Variants in GABRG1 observed in about 807,000 individuals in gnomAD.
GABRG1 encodes the protein gamma-aminobutyric acid type A receptor subunit gamma1.
GABRG1 carries 49 observed loss-of-function variants against 49.8 expected under a neutral mutation model. The observed-to-expected ratio is 0.98, with a 90% confidence interval of 0.78 to 1.25. The LOEUF (loss-of-function observed/expected upper bound fraction) is 1.25. GABRG1 is among the 50% of genes most tolerant of loss of function. GABRG1 has a pLI of 0.00. For missense variants in GABRG1, 552 were observed against 552.3 expected, an observed-to-expected ratio of 1.00 and a Z score of 0.01; for synonymous variants, 232 against 185.1, an observed-to-expected ratio of 1.25 and a Z score of -2.06.
intron 2 of GABRG1, among the ~76,000 whole-genome samples, chr4:46,090,668 T>A (rs189729218): frequency 6.6e-5 from 10 of 152,120 alleles, no homozygotes; most frequent in African/African-American, 2.4e-4. Flanking sequence ...AAATTTTTTT[T>A]AAATAAACAC....
chr4:46,040,982 T>C lies in GABRG1; in HGVS notation c.*6A>G, dbSNP rs372117907. ...CTTCTTTTGATTTTTGCTTATGAAG[T>C]AGATTTTATAAGTAAAGATAGCCAA... On this transcript the variant is annotated 3_prime_UTR_variant, in exon 9 of 9. Coordinates refer to ENST00000295452, the MANE Select transcript of GABRG1 (RefSeq NM_173536.4). The C allele has an allele frequency of 5.6e-6, 9 of 1,603,214 alleles. No individual in the cohort carries two copies. Among genetic ancestry groups the C allele is most frequent in the South Asian group, 5.6e-5 (5 of 89,644 alleles).
rs907085261 is a variant in GABRG1 at position 46,037,152 on chromosome 4, T to C, written c.*3836A>G. 2 of 151,916 alleles carry C rather than the reference T, an allele frequency of 1.3e-5. No homozygotes were observed. Among genetic ancestry groups the C allele is most frequent in the African/African-American group, 4.8e-5 (2 of 41,426 alleles). 9.4% of individuals were successfully genotyped at this position (151,916 alleles called of 1,614,324 possible). ...CTCATCTTTCTGACTACATTATATG[T>C]TCCTTGAAAGTCATCTTTATATTCC... On this transcript the variant is annotated 3_prime_UTR_variant, in exon 9 of 9. Transcript: ENST00000295452.
chr4:46,112,411 T>G (rs1720745331), intron 1 of GABRG1, among the ~76,000 whole-genome samples: 1 of 151,430 alleles, frequency 6.6e-6, no homozygotes, highest in Non-Finnish European at 1.5e-5. Flanking sequence ...TCTGCCAATG[T>G]GGAAAGCAGT....
chr4:46,072,834 G>A (rs1719181704), intron 3 of GABRG1, among the ~76,000 whole-genome samples: 1 of 149,084 alleles, frequency 6.7e-6, no homozygotes, highest in African/African-American at 2.6e-5. Flanking sequence ...TAATAGAAGT[G>A]TGTTTACCTG....
chr4:46,121,039 C>T (rs1721076862), intron 1 of GABRG1, among the ~76,000 whole-genome samples: 3 of 151,866 alleles, frequency 2.0e-5, no homozygotes, highest in East Asian at 3.9e-4. Flanking sequence ...ACCATGACTA[C>T]AGTTTTAGTT....
intron 2 of GABRG1, among the ~76,000 whole-genome samples, chr4:46,092,724 G>T (rs1000419791): frequency 3.3e-5 from 5 of 151,630 alleles, no homozygotes; most frequent in African/African-American, 1.2e-4. Context: ...ACTTAATGAA[G>T]GACACAAAAA....
At chr4:46,085,086 G>T (rs1483082655) in intron 2 of GABRG1, among the ~76,000 whole-genome samples, 3 of 151,242 alleles carry the variant, frequency 2.0e-5, no homozygotes, top group African/African-American at 4.8e-5. Flanking sequence ...TATAATAAGA[G>T]ATTTTTTTTT....
At chr4:46,093,844 A>C (rs1720085033) in intron 2 of GABRG1, among the ~76,000 whole-genome samples, 1 of 152,002 alleles carries the variant, frequency 6.6e-6, no homozygotes, top group Non-Finnish European at 1.5e-5. Context: ...CTGGACTAAA[A>C]ATTTTTAAAG....
chr4:46,045,143 C>T (rs1484421618), intron 8 of GABRG1, among the ~76,000 whole-genome samples: 4 of 152,022 alleles, frequency 2.6e-5, no homozygotes, highest in Admixed American at 1.3e-4. Flanking sequence ...GCTGGAATTA[C>T]TGATTCTAAT....
intron 1 of GABRG1, among the ~76,000 whole-genome samples, chr4:46,119,014 A>G (rs1333704728): frequency 6.6e-6 from 1 of 151,326 alleles, no homozygotes; most frequent in African/African-American, 2.4e-5. Flanking sequence ...ATGATTATAT[A>G]TAGCATCCTT....
In GABRG1 at chr4:46,052,990, T is replaced by C. The variant is rs371180431; in HGVS notation, c.917-1352A>G. Among the ~76,000 whole-genome samples, 317 of 152,006 alleles carry C rather than the reference T, an allele frequency of 2.1e-3. 1 individual carries two copies. Among genetic ancestry groups the C allele is most frequent in the African/African-American group, 7.3e-3 (303 of 41,534 alleles). ...TTTGGAATTATGATACAAATTTAGG[T>C]TTAATCTCTGACTCTTCTATTAGCT... On this transcript the variant is annotated intron_variant, in intron 7 of 8. Coordinates refer to ENST00000295452, the MANE Select transcript of GABRG1 (RefSeq NM_173536.4).
intron 5 of GABRG1, among the ~76,000 whole-genome samples, chr4:46,061,725 G>T (rs950802279): frequency 2.0e-5 from 3 of 149,724 alleles, no homozygotes; most frequent in Non-Finnish European, 3.0e-5. Context: ...TATACAGTAG[G>T]AAAGTAAACC....
chr4:46,059,110 T>C (rs1718567926), intron 5 of GABRG1, among the ~76,000 whole-genome samples: 1 of 152,182 alleles, frequency 6.6e-6, no homozygotes, highest in Non-Finnish European at 1.5e-5. Flanking sequence ...TTTAATATAT[T>C]GTGATAGTCA....
chr4:46,084,016 G>A lies in GABRG1; in HGVS notation c.291C>T (p.Asn97=), dbSNP rs767827829. 20 of 1,582,626 alleles carry A rather than the reference G, an allele frequency of 1.3e-5. No homozygotes were observed. The Middle Eastern group carries it at 1.3e-3, about 106-fold the overall frequency. Residue 97 remains asparagine, a synonymous_variant, in exon 3 of 9, where the codon AAC becomes AAT. Transcript: ENST00000295452. ...PTVIETDVYV[N]SIGPVDPINM... is the part of the protein sequence containing the mutation. ...TAATTGGATCAACTGGTCCAATGCT[G>A]TTTACATAAACATCAGTTTCAATTA...
chr4:46,079,768 T>C lies in GABRG1; in HGVS notation c.321+4218A>G, dbSNP rs138085973. Among the ~76,000 whole-genome samples, 873 of 152,010 alleles carry C rather than the reference T, an allele frequency of 5.7e-3. 8 individuals carry two copies. Among genetic ancestry groups the C allele is most frequent in the African/African-American group, 0.02 (832 of 41,528 alleles). On this transcript the variant is annotated intron_variant, in intron 3 of 8. Coordinates refer to ENST00000295452, the MANE Select transcript of GABRG1 (RefSeq NM_173536.4). Reference sequence around the variant, plus strand: ...TTGACTTGGCTTTAAAGAATTGCTATGGCCCTTGAGTGTTGTACTTGCCAG... The same window carrying C: ...TTGACTTGGCTTTAAAGAATTGCTACGGCCCTTGAGTGTTGTACTTGCCAG...
intron 8 of GABRG1, among the ~76,000 whole-genome samples, chr4:46,044,017 A>T (rs1467269585): frequency 2.6e-5 from 4 of 152,030 alleles, no homozygotes; most frequent in Admixed American, 1.3e-4. Flanking sequence ...ATATTATTTG[A>T]TGATTATATT....
rs1466416512 is a variant in GABRG1 at position 46,056,150 on chromosome 4, TTAAAAA to T, written c.916+2061_916+2066del. 3.0e-4 allele frequency among the ~76,000 whole-genome samples: 14 copies of T among 46,068 alleles called. 1 individual carries two copies. The highest frequency in any genetic ancestry group is 0.021 in the Middle Eastern group (1 of 48). The allele number at this position is 46,068 out of a possible 152,430, so 30.2% of individuals were successfully genotyped here. On this transcript the variant is annotated intron_variant, in intron 7 of 8. Coordinates refer to ENST00000295452, the MANE Select transcript of GABRG1 (RefSeq NM_173536.4). ...AAAAAAAAAAAAATAAATAAATAAA[TTAAAAA>T]AAAAAAAAAAAAAAAAAAAAAAAAT...
chr4:46,121,864 C>T (rs750858015), intron 1 of GABRG1, among the ~76,000 whole-genome samples: 2 of 152,058 alleles, frequency 1.3e-5, no homozygotes, highest in Non-Finnish European at 2.9e-5. Flanking sequence ...TATGTGTTAA[C>T]TGTACAATAC....
chr4:46,104,115 C>T (rs1255155600), intron 1 of GABRG1, among the ~76,000 whole-genome samples: 3 of 151,062 alleles, frequency 2.0e-5, no homozygotes, highest in African/African-American at 7.3e-5. Context: ...CTACTTAGTG[C>T]CAAAAATTTC....
Sources: allele counts gnomAD v4.1 joint callset (sites outside exome capture counted in the v4.1 genomes callset), GRCh38; gene constraint gnomAD v4.1.1; transcripts MANE v1.5; gene names NCBI Gene and HGNC (gene_info 2026-07-23, HGNC 2026-07-21).